The following CFAP46 variants were observed in gnomAD, a reference collection of about 807,000 sequenced individuals.
CFAP46 encodes cilia- and flagella-associated protein 46.
In CFAP46, 245 loss-of-function variants were observed where a neutral mutation model predicts 325.7. That is an observed-to-expected ratio of 0.75 (90% confidence interval 0.68 to 0.84). CFAP46 has a LOEUF of 0.84. Ranked by LOEUF, CFAP46 falls within the 40% of genes least tolerant of loss-of-function variation. The pLI is 0.00. For synonymous variants in CFAP46, 1,523 were observed against 1,495.9 expected (o/e 1.02, Z -0.42); for missense variants, 3,346 against 3,543.0 (o/e 0.94, Z 1.41).
intron 54 of CFAP46, among the ~76,000 whole-genome samples, chr10:132,813,950 G>A (rs539187405): frequency 4.5e-4 from 68 of 152,316 alleles, no homozygotes; most frequent in Admixed American, 5.2e-4. Flanking sequence ...GCCCCAGGTC[G>A]CCATCTGTAA....
At chr10:132,865,747 C>T (rs143933509) in intron 35 of CFAP46, among the ~76,000 whole-genome samples, 2,138 of 152,318 alleles carry the variant, frequency 0.014, 45 homozygotes, top group African/African-American at 0.046. Context: ...GGAGGCAGAG[C>T]GGAGCCACTG....
chr10:132,911,838 T>A (rs1002792857), intron 19 of CFAP46, among the ~76,000 whole-genome samples: 3 of 151,934 alleles, frequency 2.0e-5, no homozygotes, highest in African/African-American at 7.3e-5. Flanking sequence ...CGTTTCTGGT[T>A]CTATTTCCAC....
At position 132,884,158 on chromosome 10, in the gene CFAP46, C is replaced by A. The variant is rs1986520; in HGVS notation, c.3627+945G>T. On this transcript the variant is annotated intron_variant, in intron 27 of 57. Coordinates refer to ENST00000368586, the MANE Select transcript of CFAP46 (RefSeq NM_001200049.3). This position sits in a 1 kb window ranked among gnomAD's most constrained non-coding sequence, Gnocchi z 5.4. The stretch of plus-strand genomic sequence containing the variant: ...AGGCCCTTCCTGCTTTCCCTGGAGG[C>A]AGCCAGGTCCCTGCCTGATACCCGC... 0.46 allele frequency among the ~76,000 whole-genome samples: 69,628 copies of A among 151,996 alleles called. 16,307 individuals are homozygous for A. Among genetic ancestry groups the A allele is most frequent in the Admixed American group, 0.55 (8,462 of 15,290 alleles).
At chr10:132,857,471 C>T in intron 39 of CFAP46, 119 bp downstream of exon 39, 2 of 962,594 alleles carry the variant, frequency 2.1e-6, no homozygotes, top group Non-Finnish European at 3.1e-6. Flanking sequence ...AGTATCTGAT[C>T]CCTGTTATTC....
At position 132,808,544 on chromosome 10, in the gene CFAP46, C is replaced by A. The variant is rs767392850; in HGVS notation, c.8025G>T (p.Leu2675=). The A allele has an allele frequency of 6.8e-6, 11 of 1,612,926 alleles. No homozygotes were observed. In the African/African-American group the frequency reaches 1.5e-4, roughly 22 times the overall value. The part of the protein sequence containing the change: ...SSACLCAPWG[L]RRGWSCVSSR... ...AAGAGACGCAGCTCCAGCCCCGACG[C>A]AGACCCCATGGCGCACACAGGCAGG... Residue 2675 remains leucine (L), a synonymous_variant, in exon 58 of 58, where the codon CTG becomes CTT. Transcript: ENST00000368586. The surrounding 1 kb of genome is among the most constrained non-coding windows in gnomAD (Gnocchi z 6.8).
intron 53 of CFAP46, 31 bp downstream of exon 53, chr10:132,814,546 G>A: frequency 6.4e-7 from 1 of 1,552,214 alleles, no homozygotes; most frequent in Non-Finnish European, 8.7e-7. Flanking sequence ...GCTGGCGTGT[G>A]CCTGAACAGG....
chr10:132,832,399 C>CG lies in CFAP46; in HGVS notation c.7117+958_7117+959insC, dbSNP rs998991884. On this transcript the variant is annotated intron_variant, in intron 50 of 57. Transcript: ENST00000368586. This position sits in a 1 kb window ranked among gnomAD's most constrained non-coding sequence, Gnocchi z 4.1. Reference sequence around the variant, plus strand: ...CCTGGGCTCTTCCTGCCCCCCCCCCCCAATGCTGTGGCCTGGAAATTCCCC... The same window carrying CG: ...CCTGGGCTCTTCCTGCCCCCCCCCCCGCAATGCTGTGGCCTGGAAATTCCCC... Among the ~76,000 whole-genome samples, 2 of 131,166 alleles carry CG rather than the reference C, an allele frequency of 1.5e-5. No individual in the cohort carries two copies. Among genetic ancestry groups the CG allele is most frequent in the East Asian group, 2.3e-4 (1 of 4,280 alleles). The allele number at this position is 131,166 out of a possible 152,430, so 86.0% of individuals were successfully genotyped here. A position where few individuals can be genotyped will look rare whatever the true frequency, so the allele number is the denominator to read the frequency against.
intron 8 of CFAP46, among the ~76,000 whole-genome samples, chr10:132,931,338 C>T (rs1461459003): frequency 1.4e-5 from 2 of 138,906 alleles, no homozygotes; most frequent in African/African-American, 2.7e-5. Flanking sequence ...GGGCCTTCCC[C>T]ACACTCCCCA....
intron 50 of CFAP46, among the ~76,000 whole-genome samples, chr10:132,822,975 T>C (rs1343118638): frequency 7.0e-6 from 1 of 143,712 alleles, no homozygotes; most frequent in Non-Finnish European, 1.5e-5. Context: ...GTGCTGTGTG[T>C]GCAGTGATGT....
chr10:132,912,557 A>ACCTCTCTCTCTCTTCT lies in CFAP46; in HGVS notation c.2499+97_2499+98insAGAAGAGAGAGAGAGG, dbSNP rs1275669408. The ACCTCTCTCTCTCTTCT allele has an allele frequency of 1.9e-6, 2 of 1,032,708 alleles. 1 individual carries two copies. The highest frequency in any genetic ancestry group is 6.8e-5 in the African/African-American group (2 of 29,306). 64.0% of individuals were successfully genotyped at this position (1,032,708 alleles called of 1,614,324 possible). A position where few individuals can be genotyped will look rare whatever the true frequency, so the allele number is the denominator to read the frequency against. The stretch of plus-strand genomic sequence containing the variant: ...TCTCCTCTCCTCTCTCTCTCTCTTC[A>ACCTCTCTCTCTCTTCT]CCTCTCTCCTCTTTCACCTCTCCTC... On this transcript the variant is annotated intron_variant, in intron 19 of 57. Coordinates refer to ENST00000368586, the MANE Select transcript of CFAP46 (RefSeq NM_001200049.3).
chr10:132,878,664 G>A (rs1050225897), intron 29 of CFAP46, among the ~76,000 whole-genome samples: 3 of 152,206 alleles, frequency 2.0e-5, no homozygotes, highest in Non-Finnish European at 2.9e-5. Context: ...CCACAGCCCC[G>A]GGTCTGGCAG....
rs765734629 is a variant in CFAP46 at position 132,899,570 on chromosome 10, T to C, written c.3021A>G (p.Arg1007=). 8 of 1,549,482 alleles carry C rather than the reference T, an allele frequency of 5.2e-6. No individual in the cohort carries two copies. The South Asian group carries it at 9.5e-5, about 18-fold the overall frequency. The change falls in exon 23 of 58, where the codon CGA becomes CGG. Residue 1007 remains arginine (R), a synonymous_variant. Coordinates refer to ENST00000368586, the MANE Select transcript of CFAP46 (RefSeq NM_001200049.3). The stretch of plus-strand genomic sequence containing the variant: ...CCGTGAAGGCCTTGGCTGCCACCAG[T>C]CGCAGCTGCTTCCGGCCCTTCAGGT... ...MENLKGRKQL[R]LVAAKAFTES...
At chr10:132,825,263 C>G (rs1033137655) in intron 50 of CFAP46, among the ~76,000 whole-genome samples, 1 of 145,074 alleles carries the variant, frequency 6.9e-6, no homozygotes, top group Non-Finnish European at 1.5e-5. Context: ...TGTGTGAGTG[C>G]TGATGTGTGC....
intron 22 of CFAP46, 31 bp downstream of exon 22, chr10:132,908,437 G>C (rs1414325834): frequency 5.8e-6 from 9 of 1,549,966 alleles, no homozygotes; most frequent in Non-Finnish European, 7.8e-6. Flanking sequence ...CCCGTTTTGA[G>C]GGAATTTGTC....
rs369187180 is a variant in CFAP46 at position 132,814,666 on chromosome 10, C to T, written c.7249+20G>A. The T allele has an allele frequency of 1.6e-4, 258 of 1,586,420 alleles. No individual in the cohort carries two copies. Among genetic ancestry groups the T allele is most frequent in the East Asian group, 4.5e-4 (20 of 44,062 alleles). ...CACAGGGCGGGGTCTGGGGCCCCCC[C>T]GGGGCCCATCAAAGGATACACTTGA... On this transcript the variant is annotated intron_variant, in intron 52 of 57. Transcript: ENST00000368586.
Position 132,869,351 on chromosome 10 carries a change from C to T in CFAP46, c.4533G>A (p.Glu1511=), listed in dbSNP as rs7908950. 596,621 of 1,535,542 alleles carry T rather than the reference C, an allele frequency of 0.39. 119,629 individuals carry two copies. Among genetic ancestry groups the T allele is most frequent in the Admixed American group, 0.56 (28,628 of 50,796 alleles). ...YHLRLAHACS[E]LKLREAAARH... is the part of the protein sequence containing the mutation. ...GCGCGGCTGCTTCTCTCAGCTTCAG[C>T]TCGGAGCACGCGTGGGCGAGGCTGT... Residue 1511 remains glutamate (E), a synonymous_variant, in exon 33 of 58, where the codon GAG becomes GAA. Transcript: ENST00000368586. This position sits in a 1 kb window ranked among gnomAD's most constrained non-coding sequence, Gnocchi z 6.2.
chr10:132,877,743 A>T lies in CFAP46; in HGVS notation c.4212+138T>A, dbSNP rs1848976355. ...TCCGAGAACCCTGACAGGCAGGGAAACTGAGGCACAGGCCATCCCGGGCCC... is the reference window on the plus strand; with the variant it reads ...TCCGAGAACCCTGACAGGCAGGGAATCTGAGGCACAGGCCATCCCGGGCCC... On this transcript the variant is annotated intron_variant, in intron 30 of 57. Coordinates refer to ENST00000368586, the MANE Select transcript of CFAP46 (RefSeq NM_001200049.3). This position sits in a 1 kb window ranked among gnomAD's most constrained non-coding sequence, Gnocchi z 5.7. 1.2e-6 allele frequency: 1 copy of T among 868,076 alleles called. No individual in the cohort carries two copies. Among genetic ancestry groups the T allele is most frequent in the Admixed American group, 2.8e-5 (1 of 35,920 alleles). The allele number at this position is 868,076 out of a possible 1,614,324, so 53.8% of individuals were successfully genotyped here. A position where few individuals can be genotyped will look rare whatever the true frequency, so the allele number is the denominator to read the frequency against.
intron 13 of CFAP46, among the ~76,000 whole-genome samples, chr10:132,920,862 GCAC>G (rs1238953534): frequency 6.6e-6 from 1 of 152,248 alleles, no homozygotes; most frequent in Non-Finnish European, 1.5e-5. Context: ...CAGTGGACAT[GCAC>G]CTGACCCCCA....
At position 132,850,248 on chromosome 10, in the gene CFAP46, G is replaced by A. The variant is rs945257527; in HGVS notation, c.5948C>T (p.Pro1983Leu). 3 of 1,550,448 alleles carry A rather than the reference G, an allele frequency of 1.9e-6. No individual in the cohort carries two copies. The highest frequency in any genetic ancestry group is 2.0e-5 in the Admixed American group (1 of 50,980). The change falls in exon 41 of 58, where the codon CCC (proline) becomes CTC (leucine). Residue 1983 changes from proline (P) to leucine (L), a missense_variant. Transcript: ENST00000368586. ...VHPTCYWEAG[P>L]SVGAKLSGLK... ...GATAGAAGCAGGAGCACCTACCGAG[G>A]GGCCCGCCTCCCAGTAGCAGGTAGG... is the stretch of plus-strand genomic sequence containing the variant.
Sources: gnomAD v4.1 joint callset for allele counts (sites outside exome capture counted in the v4.1 genomes callset) on GRCh38, gnomAD v4.1.1 for gene constraint, Gnocchi (gnomAD v3.1) non-coding constraint, MANE v1.5 for transcripts, NCBI Gene and HGNC (gene_info 2026-07-23, HGNC 2026-07-21) for gene names.